FBXL13: variants seen among roughly 807,000 people sequenced by gnomAD.
FBXL13 encodes the protein F-box and leucine rich repeat protein 13, also known as F-box and leucine-rich repeat protein 13.
FBXL13 carries 67 observed loss-of-function variants against 83.6 expected under a neutral mutation model. That is an observed-to-expected ratio of 0.80 (90% CI 0.66 to 0.98). The LOEUF is 0.98. FBXL13 is among the 50% of genes least tolerant of loss of function. The probability of loss-of-function intolerance (pLI) is 0.00; values close to 1 mark genes in which losing one functional copy is unlikely to be tolerated. For missense variants in FBXL13, 822 were observed against 866.5 expected (o/e 0.95, Z 0.64); for synonymous variants, 272 against 299.5 (o/e 0.91, Z 0.95).
intron 18 of FBXL13, among the ~76,000 whole-genome samples, chr7:102,822,630 C>A (rs79468477): frequency 0.029 from 4,443 of 152,266 alleles, 186 homozygotes; most frequent in East Asian, 0.16. Context: ...ACATTCAATT[C>A]ATAACAAATA....
At chr7:102,939,532 A>G in intron 8 of FBXL13, 1 of 1,614,130 alleles carries the variant, frequency 6.2e-7, no homozygotes, top group Non-Finnish European at 8.5e-7. Flanking sequence ...GAAGATGTTC[A>G]TGAGCTGAAG....
In FBXL13 at chr7:102,878,470, A is replaced by AT; in HGVS notation, c.1389-21dup. The AT allele has an allele frequency of 6.5e-7, 1 of 1,539,580 alleles. No individual in the cohort carries two copies. The highest frequency in any genetic ancestry group is 8.8e-7 in the Non-Finnish European group (1 of 1,135,360). ...CCAATTCTGTAGGAAAGAGAGAAAA[A>AT]TTTTACATGTGATTCTATATATAAA... On this transcript the variant is annotated intron_variant, in intron 14 of 19. Transcript: ENST00000313221.
intron 6 of FBXL13, among the ~76,000 whole-genome samples, chr7:102,987,688 T>C (rs994060041): frequency 6.6e-6 from 1 of 152,216 alleles, no homozygotes; most frequent in Non-Finnish European, 1.5e-5. Context: ...GTGGGTATCA[T>C]ACACTAATCA....
intron 8 of FBXL13, among the ~76,000 whole-genome samples, chr7:102,957,603 C>T (rs192090637): frequency 5.1e-4 from 78 of 152,182 alleles, no homozygotes; most frequent in African/African-American, 1.4e-3. Context: ...AGGCAACCTA[C>T]AGAATGGGAG....
At chr7:102,878,381 T>C in exon 15 of FBXL13, 1 of 1,610,638 alleles carries the variant, frequency 6.2e-7, no homozygotes, top group East Asian at 2.2e-5. Flanking sequence ...CACAGTTGCT[T>C]AAATTTAGCT....
intron 8 of FBXL13, chr7:102,932,995 A>G (rs955624625): frequency 6.6e-6 from 1 of 152,234 alleles, no homozygotes; most frequent in Non-Finnish European, 1.5e-5. Context: ...TAAGGAGTTT[A>G]CTTTCTAGCG....
Position 103,049,459 on chromosome 7 carries a change from A to G in FBXL13, c.-1+6185T>C, listed in dbSNP as rs1426721650. On this transcript the variant is annotated intron_variant, in intron 2 of 19. Coordinates refer to ENST00000313221, the Ensembl canonical transcript of FBXL13. Reference sequence around the variant, plus strand: ...TATTTAAGCACTTATTTTTGTTTAAACCAATGAATTAGAGTTCTTTTATAC... The same window carrying G: ...TATTTAAGCACTTATTTTTGTTTAAGCCAATGAATTAGAGTTCTTTTATAC... 2.6e-5 allele frequency among the ~76,000 whole-genome samples: 4 copies of G among 152,336 alleles called. No homozygotes were observed. The East Asian group carries it at 7.7e-4, about 29-fold the overall frequency.
chr7:102,927,431 C>T (rs908652503), intron 9 of FBXL13, among the ~76,000 whole-genome samples: 1 of 152,168 alleles, frequency 6.6e-6, no homozygotes, highest in Admixed American at 6.5e-5. Flanking sequence ...CCTAACACCA[C>T]TAAAGATAGT....
chr7:102,973,204 T>C (rs922841997), intron 6 of FBXL13: 1 of 231,092 alleles, frequency 4.3e-6, no homozygotes, highest in Non-Finnish European at 8.6e-6. Flanking sequence ...GTGTTCATTT[T>C]GTTTTTGAAA....
At chr7:102,951,150 G>A (rs1225526038) in intron 8 of FBXL13, among the ~76,000 whole-genome samples, 11 of 151,908 alleles carry the variant, frequency 7.2e-5, no homozygotes, top group African/African-American at 2.7e-4. Context: ...TCAATTTTGC[G>A]AGAACCTGAA....
chr7:102,845,985 T>C (rs1803875281), intron 17 of FBXL13, among the ~76,000 whole-genome samples: 3 of 152,200 alleles, frequency 2.0e-5, no homozygotes, highest in Admixed American at 6.5e-5. Flanking sequence ...TTTCATGACT[T>C]GGGAGAAGTT....
intron 6 of FBXL13, among the ~76,000 whole-genome samples, chr7:103,019,261 T>A (rs905630431): frequency 2.6e-5 from 4 of 152,214 alleles, no homozygotes; most frequent in African/African-American, 4.8e-5. Context: ...AACAAAGATG[T>A]TCTTTGAAAC....
intron 10 of FBXL13, among the ~76,000 whole-genome samples, chr7:102,917,380 C>A (rs1047484144): frequency 3.9e-5 from 6 of 152,200 alleles, no homozygotes; most frequent in African/African-American, 1.4e-4. Context: ...GAGCAAAGAT[C>A]ATAATAGCTT....
exon 20 of FBXL13, chr7:102,813,313 T>G (rs750606490): frequency 6.4e-7 from 1 of 1,565,134 alleles, no homozygotes; most frequent in African/African-American, 1.4e-5. Flanking sequence ...AGTTCTTGAT[T>G]TTTTGTTCTT....
chr7:103,047,973 G>A (rs1039001149), intron 2 of FBXL13, among the ~76,000 whole-genome samples: 1 of 152,190 alleles, frequency 6.6e-6, no homozygotes, highest in East Asian at 1.9e-4. Flanking sequence ...TGGGATTACA[G>A]GCATGAGCCA....
intron 11 of FBXL13, among the ~76,000 whole-genome samples, chr7:102,909,272 C>G (rs1008855846): frequency 6.6e-6 from 1 of 151,398 alleles, no homozygotes; most frequent in African/African-American, 2.4e-5. Flanking sequence ...TGCTGCCTCA[C>G]CTGGGACTCA....
intron 7 of FBXL13, 98 bp downstream of exon 8, chr7:102,967,924 A>T: frequency 1.2e-6 from 1 of 812,456 alleles, no homozygotes; most frequent in Non-Finnish European, 2.0e-6. Flanking sequence ...GTGACCACAG[A>T]GCATGGAAGA....
chr7:102,969,198 A>G (rs1381914831), intron 6 of FBXL13, among the ~76,000 whole-genome samples: 5 of 152,074 alleles, frequency 3.3e-5, no homozygotes, highest in Admixed American at 6.5e-5. Flanking sequence ...AGGTGTGCCA[A>G]TTTTAATTTT....
At chr7:103,033,368 GA>G (rs1794720782) in intron 2 of FBXL13, among the ~76,000 whole-genome samples, 1 of 152,180 alleles carries the variant, frequency 6.6e-6, no homozygotes, top group South Asian at 2.1e-4. Flanking sequence ...CAAAGTGAAG[GA>G]AAGGCATTGT....
Sources: allele counts gnomAD v4.1 joint callset (sites outside exome capture counted in the v4.1 genomes callset), GRCh38; gene constraint gnomAD v4.1.1; transcripts MANE v1.5; gene names NCBI Gene and HGNC (gene_info 2026-07-23, HGNC 2026-07-21).